The following ACSM3 variants were observed in gnomAD, a reference collection of about 807,000 sequenced individuals.
The protein encoded by ACSM3 is acyl-CoA synthetase medium chain family member 3.
A neutral mutation model predicts 74.1 loss-of-function variants in ACSM3; 61 were observed. That is an observed-to-expected ratio of 0.82 (90% CI 0.67 to 1.02). The LOEUF (loss-of-function observed/expected upper bound fraction) is 1.02. Ranked by LOEUF, ACSM3 falls within the 50% of genes least tolerant of loss-of-function variation. The pLI, the probability that ACSM3 is intolerant of heterozygous loss-of-function variation, is 0.00. For synonymous variants in ACSM3, 213 were observed against 241.5 expected (o/e 0.88, Z 1.09); for missense variants, 660 against 697.0 (o/e 0.95, Z 0.60).
At chr16:20,754,412 G>A (rs140331749) in intron 2 of ACSM3, among the ~76,000 whole-genome samples, 2 of 152,294 alleles carry the variant, frequency 1.3e-5, no homozygotes, top group African/African-American at 4.8e-5. Context: ...GCCTAACTCA[G>A]AATTTAAAAT....
chr16:20,796,884 A>AG lies in ACSM3; in HGVS notation c.1675dup, dbSNP rs751833102. On this transcript the variant is annotated splice_acceptor_variant, in intron 13 of 13. Coordinates refer to ENST00000289416, the MANE Select transcript of ACSM3 (RefSeq NM_005622.4). LOFTEE classifies it high-confidence loss of function. Reference sequence around the variant, plus strand: ...TAATTTTCTTCCCCTTGATGCCAACAGGTAGAATTTATTCAAGAGCTGCCA... The same window carrying AG: ...TAATTTTCTTCCCCTTGATGCCAACAGGGTAGAATTTATTCAAGAGCTGCCA... 6.2e-6 allele frequency: 10 copies of AG among 1,611,486 alleles called. No individual in the cohort carries two copies. The highest frequency in any genetic ancestry group is 5.1e-6 in the Non-Finnish European group (6 of 1,179,218).
intron 12 of ACSM3, chr16:20,796,103 T>G: frequency 2.8e-6 from 1 of 352,030 alleles, no homozygotes; most frequent in Non-Finnish European, 5.0e-6. Context: ...CATGGCAAAC[T>G]CAGCGTGACT....
chr16:20,761,207 T>C (rs2080074180), upstream of ACSM3, among the ~76,000 whole-genome samples: 1 of 152,118 alleles, frequency 6.6e-6, no homozygotes, highest in Non-Finnish European at 1.5e-5. Flanking sequence ...CTCCCAGGTT[T>C]GAGCAATTTT....
At chr16:20,781,850 AAAGATCTTTCTGCCT>A in intron 7 of ACSM3, 63 bp downstream of exon 7, 2 of 1,311,740 alleles carry the variant, frequency 1.5e-6, no homozygotes, top group Non-Finnish European at 2.2e-6. Context: ...CTATAAAATA[AAAGATCTTTCTGCCT>A]GAAACATAGC....
intron 2 of ACSM3, among the ~76,000 whole-genome samples, chr16:20,750,844 G>GTT (rs59655300): frequency 5.2e-5 from 6 of 115,376 alleles, no homozygotes; most frequent in Admixed American, 3.0e-4. Context: ...TTGGAGTCAG[G>GTT]TTTTTTTTTT....
chr16:20,697,781 A>C (rs536187492), intron 1 of ACSM3: 1 of 152,442 alleles, frequency 6.6e-6, no homozygotes, highest in South Asian at 2.1e-4. Flanking sequence ...GCCACAGCGA[A>C]GGGGGACCTT....
chr16:20,784,543 A>G (rs938738446), intron 7 of ACSM3: 14 of 153,882 alleles, frequency 9.1e-5, no homozygotes, highest in Admixed American at 2.6e-4. Context: ...CTAAAATTGG[A>G]ATGATACAGA....
In ACSM3 at chr16:20,697,128, A is replaced by G. The variant is rs2079693923; in HGVS notation, c.-190+22306A>G. Among the ~76,000 whole-genome samples, 3 of 152,128 alleles carry G rather than the reference A, an allele frequency of 2.0e-5. No homozygotes were observed. The South Asian group carries it at 6.2e-4, about 32-fold the overall frequency. ...GAAACTGTCACCTGGACTGGAGTGC[A>G]GTGGTGTGATCATAGCTCACTGCAG... On this transcript the variant is annotated intron_variant, in intron 1 of 3. Coordinates refer to the ACSM3 transcript ENST00000561584.
At chr16:20,728,775 G>A (rs2079815862) in intron 1 of ACSM3, among the ~76,000 whole-genome samples, 1 of 152,156 alleles carries the variant, frequency 6.6e-6, no homozygotes, top group Non-Finnish European at 1.5e-5. Flanking sequence ...TACTATTTGG[G>A]ACCTTTTATA....
At chr16:20,793,584 A>C (rs1037835423) in intron 12 of ACSM3, among the ~76,000 whole-genome samples, 19 of 152,362 alleles carry the variant, frequency 1.2e-4, no homozygotes, top group Admixed American at 9.1e-4. Context: ...TTGATGCCAG[A>C]AGATACCCTG....
At chr16:20,748,560 A>G (rs968745068) in intron 1 of ACSM3, among the ~76,000 whole-genome samples, 1 of 152,236 alleles carries the variant, frequency 6.6e-6, no homozygotes, top group African/African-American at 2.4e-5. Flanking sequence ...ACATACAAAT[A>G]TTCAATAAGT....
At chr16:20,717,938 A>AGAAGAG (rs1211063893) in intron 1 of ACSM3, among the ~76,000 whole-genome samples, 2,922 of 100,112 alleles carry the variant, frequency 0.029, 321 homozygotes, top group Admixed American at 0.041. Context: ...AAGGAGAAGG[A>AGAAGAG]GAAGAGGAAG....
intron 1 of ACSM3, among the ~76,000 whole-genome samples, chr16:20,742,939 T>G (rs2079941282): frequency 6.8e-6 from 1 of 147,292 alleles, no homozygotes; most frequent in African/African-American, 2.6e-5. Context: ...TATGTTTGTC[T>G]ATTTTTTTTT....
chr16:20,773,990 C>CT (rs764970109), intron 2 of ACSM3, among the ~76,000 whole-genome samples: 7 of 152,102 alleles, frequency 4.6e-5, no homozygotes, highest in Non-Finnish European at 8.8e-5. Flanking sequence ...GTATTGGAGT[C>CT]TATCTGTTTA....
chr16:20,697,132 G>A (rs982035237), intron 1 of ACSM3, among the ~76,000 whole-genome samples: 1 of 152,108 alleles, frequency 6.6e-6, no homozygotes, highest in Non-Finnish European at 1.5e-5. Flanking sequence ...GAGTGCAGTG[G>A]TGTGATCATA....
chr16:20,789,989 C>T (rs1030975126), intron 9 of ACSM3, among the ~76,000 whole-genome samples: 2 of 151,462 alleles, frequency 1.3e-5, no homozygotes, highest in Admixed American at 6.6e-5. Flanking sequence ...TCCTATTTTT[C>T]GATTTATCTA....
At chr16:20,765,509 T>C (rs2080116276) in intron 1 of ACSM3, among the ~76,000 whole-genome samples, 1 of 152,208 alleles carries the variant, frequency 6.6e-6, no homozygotes, top group Admixed American at 6.5e-5. Context: ...GAACAAATCA[T>C]ACTAAACTCT....
rs1310360448 is a variant in ACSM3 at position 20,741,954 on chromosome 16, TC to T, written c.-189-7953del. 6.5e-6 allele frequency: 10 copies of T among 1,530,424 alleles called. No homozygotes were observed. The East Asian group carries it at 2.2e-4, about 34-fold the overall frequency. The allele number at this position is 1,530,424 out of a possible 1,614,324, so 94.8% of individuals were successfully genotyped here. A position where few individuals can be genotyped will look rare whatever the true frequency, so the allele number is the denominator to read the frequency against. ...CCCAAGCCCCGCCTCCTGCCCCGCC[TC>T]CCGACTGCAACCTGAATCCAGTAGA... On this transcript the variant is annotated intron_variant, in intron 1 of 3. Transcript: ENST00000561584.
In ACSM3 at chr16:20,781,030, G is replaced by A. The variant is rs2080341383; in HGVS notation, c.839G>A (p.Trp280Ter). ...ATGTGGAATACCTCAGATACGGGCT[G>A]GGCAAAGTCTGCATGGAGTAGTGTT... ...DVMWNTSDTG[W>*]AKSAWSSVFS... The change falls in exon 6 of 14, where the codon TGG becomes TAG. Residue 280 changes from tryptophan to a stop codon, truncating the protein, a stop_gained. Coordinates refer to ENST00000289416, the MANE Select transcript of ACSM3 (RefSeq NM_005622.4). LOFTEE classifies it high-confidence loss of function. The A allele has an allele frequency of 1.2e-6, 2 of 1,614,194 alleles. No homozygotes were observed. Among genetic ancestry groups the A allele is most frequent in the South Asian group, 2.2e-5 (2 of 91,082 alleles).
Sources: allele counts gnomAD v4.1 joint callset (sites outside exome capture counted in the v4.1 genomes callset), GRCh38; gene constraint gnomAD v4.1.1; transcripts MANE v1.5; gene names NCBI Gene and HGNC (gene_info 2026-07-23, HGNC 2026-07-21).